The following EBF1 variants were observed in gnomAD, a reference collection of about 807,000 sequenced individuals.
EBF1 encodes the protein EBF transcription factor 1, also known as transcription factor COE1.
In EBF1, 10 loss-of-function variants were observed where a neutral mutation model predicts 68.4. The ratio of observed to expected loss-of-function variants is 0.15; its 90% CI spans 0.09 to 0.25. The LOEUF is 0.25. Among genes scored for constraint, EBF1 ranks in the 10% least tolerant of loss-of-function variants. The probability of loss-of-function intolerance (pLI) is 1.00; values close to 1 mark genes in which losing one functional copy is unlikely to be tolerated. For synonymous variants in EBF1, 298 were observed against 299.8 expected, an observed-to-expected ratio of 0.99 and a Z score of 0.06; for missense variants, 509 against 794.4, an observed-to-expected ratio of 0.64 and a Z score of 4.32.
intron 6 of EBF1, among the ~76,000 whole-genome samples, chr5:158,848,450 C>T (rs952536157): frequency 1.3e-5 from 2 of 152,114 alleles, no homozygotes; most frequent in African/African-American, 4.8e-5. Flanking sequence ...AGTTTGCTCC[C>T]AACCACTCTC....
At chr5:158,935,318 G>A (rs1178019267) in intron 6 of EBF1, among the ~76,000 whole-genome samples, 1 of 152,182 alleles carries the variant, frequency 6.6e-6, no homozygotes, top group Admixed American at 6.5e-5. Flanking sequence ...CAGTCCAGAG[G>A]CACCAAGGAG....
At chr5:158,842,503 C>T (rs1327643878) in intron 6 of EBF1, among the ~76,000 whole-genome samples, 2 of 152,156 alleles carry the variant, frequency 1.3e-5, no homozygotes, top group Non-Finnish European at 2.9e-5. Context: ...ATTAGAAACA[C>T]CCAGAATAAT....
At chr5:158,700,902 C>A (rs1756609624) in intron 15 of EBF1, among the ~76,000 whole-genome samples, 1 of 152,164 alleles carries the variant, frequency 6.6e-6, no homozygotes, top group South Asian at 2.1e-4. Context: ...CCCCCAAAGA[C>A]TTGAGATCAG....
chr5:159,067,267 T>G (rs558042226), intron 6 of EBF1, among the ~76,000 whole-genome samples: 1 of 152,312 alleles, frequency 6.6e-6, no homozygotes, highest in African/African-American at 2.4e-5. Flanking sequence ...ACAGAGGACT[T>G]CGTACTGCTT....
At chr5:158,867,019 T>G (rs1298123715) in intron 6 of EBF1, among the ~76,000 whole-genome samples, 2 of 151,846 alleles carry the variant, frequency 1.3e-5, no homozygotes, top group Admixed American at 6.6e-5. Context: ...CAAAGAGCTG[T>G]GCAATATCCC....
intron 11 of EBF1, among the ~76,000 whole-genome samples, chr5:158,730,697 T>C (rs899641287): frequency 4.6e-5 from 7 of 152,214 alleles, no homozygotes; most frequent in African/African-American, 1.7e-4. Context: ...AGCGATTAAG[T>C]AGCCCAGACT....
intron 6 of EBF1, among the ~76,000 whole-genome samples, chr5:158,963,969 G>C (rs1753602034): frequency 6.6e-6 from 1 of 152,158 alleles, no homozygotes; most frequent in Non-Finnish European, 1.5e-5. Flanking sequence ...ATGGTAAACT[G>C]TTACCAGGCA....
chr5:158,924,768 G>A lies in EBF1; in HGVS notation c.555-84658C>T, dbSNP rs575063447. 5.8e-3 allele frequency among the ~76,000 whole-genome samples: 867 copies of A among 150,444 alleles called. 13 individuals are homozygous for A. Among genetic ancestry groups the A allele is most frequent in the African/African-American group, 0.02 (830 of 40,682 alleles). On this transcript the variant is annotated intron_variant, in intron 6 of 15. Coordinates refer to ENST00000313708, the MANE Select transcript of EBF1 (RefSeq NM_024007.5). ...CTCCGGAGGCTGAGGCAGGAGAATGGCGTGAACCCAGGAGGCGCAGCTTGT... is the reference window on the plus strand; with the variant it reads ...CTCCGGAGGCTGAGGCAGGAGAATGACGTGAACCCAGGAGGCGCAGCTTGT...
At chr5:158,712,937 G>A in intron 13 of EBF1, 33 bp downstream of exon 13, 2 of 1,404,762 alleles carry the variant, frequency 1.4e-6, no homozygotes, top group Non-Finnish European at 1.9e-6. Context: ...GGTGCTTAAG[G>A]TTGGGGAGGG....
At chr5:158,997,118 T>A (rs1761572379) in intron 6 of EBF1, among the ~76,000 whole-genome samples, 1 of 152,058 alleles carries the variant, frequency 6.6e-6, no homozygotes, top group African/African-American at 2.4e-5. Context: ...AGACTCAGGG[T>A]GCACACATGA....
intron 6 of EBF1, among the ~76,000 whole-genome samples, chr5:159,053,826 T>C (rs1774265476): frequency 6.6e-6 from 1 of 152,228 alleles, no homozygotes; most frequent in African/African-American, 2.4e-5. Flanking sequence ...ATAAACTCTT[T>C]AAAATACTGA....
At chr5:158,913,980 G>T (rs1358998811) in intron 6 of EBF1, among the ~76,000 whole-genome samples, 3 of 152,186 alleles carry the variant, frequency 2.0e-5, no homozygotes, top group Non-Finnish European at 4.4e-5. Context: ...GCTTTCTTCA[G>T]ATCATTAAGA....
intron 8 of EBF1, among the ~76,000 whole-genome samples, chr5:158,822,268 G>A (rs1785019283): frequency 3.8e-5 from 1 of 26,398 alleles, no homozygotes. Flanking sequence ...ACGGATGGAC[G>A]GATGGATGGA....
At chr5:158,842,067 T>C (rs1208749640) in intron 6 of EBF1, among the ~76,000 whole-genome samples, 1 of 152,196 alleles carries the variant, frequency 6.6e-6, no homozygotes, top group Non-Finnish European at 1.5e-5. Flanking sequence ...TTTTGAGCTC[T>C]CCTTTTCCGG....
At chr5:158,738,842 GTT>G (rs2127564736) in intron 10 of EBF1, among the ~76,000 whole-genome samples, 1 of 152,284 alleles carries the variant, frequency 6.6e-6, no homozygotes, top group Non-Finnish European at 1.5e-5. Context: ...TTAAACTGCT[GTT>G]TTTTGTTTTT....
intron 6 of EBF1, among the ~76,000 whole-genome samples, chr5:159,015,481 C>CTGAAG (rs1273677278): frequency 6.6e-6 from 1 of 152,140 alleles, no homozygotes; most frequent in African/African-American, 2.4e-5. Flanking sequence ...GTGAGCGTGG[C>CTGAAG]TGAAGTGAAG....
chr5:158,731,287 A>G (rs1764040158), intron 10 of EBF1, 130 bp from the exon 11 acceptor site: 2 of 873,798 alleles, frequency 2.3e-6, no homozygotes, highest in African/African-American at 1.7e-5. Flanking sequence ...GGATCACAAG[A>G]TGGTTGTGTG....
intron 6 of EBF1, among the ~76,000 whole-genome samples, chr5:159,017,493 C>T (rs1765852001): frequency 2.0e-5 from 3 of 152,216 alleles, no homozygotes; most frequent in African/African-American, 7.2e-5. Context: ...CTCTCAACCC[C>T]CATTCCTTCA....
intron 6 of EBF1, among the ~76,000 whole-genome samples, chr5:158,952,638 A>G (rs577566884): frequency 6.6e-6 from 1 of 152,338 alleles, no homozygotes; most frequent in South Asian, 2.1e-4. Flanking sequence ...ATACAATGCA[A>G]TGCTCTCATT....
Sources: gnomAD v4.1 joint callset for allele counts (sites outside exome capture counted in the v4.1 genomes callset) on GRCh38, gnomAD v4.1.1 for gene constraint, MANE v1.5 for transcripts, NCBI Gene and HGNC (gene_info 2026-07-23, HGNC 2026-07-21) for gene names.